KCNJ3: variants seen among roughly 807,000 people sequenced by gnomAD.
The protein encoded by KCNJ3 is G protein-activated inward rectifier potassium channel 1.
A neutral mutation model predicts 39.2 loss-of-function variants in KCNJ3; 4 were observed. The observed-to-expected ratio is 0.10, with a 90% confidence interval of 0.05 to 0.23. KCNJ3 has a LOEUF of 0.23. Among genes scored for constraint, KCNJ3 ranks in the 10% least tolerant of loss-of-function variants. The pLI is 1.00. For missense variants in KCNJ3, 276 were observed against 634.9 expected, an observed-to-expected ratio of 0.43 and a Z score of 6.08; for synonymous variants, 230 against 237.4, an observed-to-expected ratio of 0.97 and a Z score of 0.29.
chr2:154,710,106 G>A (rs1419297873), intron 2 of KCNJ3, among the ~76,000 whole-genome samples: 2 of 152,024 alleles, frequency 1.3e-5, no homozygotes, highest in African/African-American at 4.8e-5. Flanking sequence ...TTACAAACTT[G>A]ACTTTCTTAT....
chr2:154,767,846 C>G (rs1341004732), intron 2 of KCNJ3, among the ~76,000 whole-genome samples: 1 of 152,198 alleles, frequency 6.6e-6, no homozygotes, highest in Non-Finnish European at 1.5e-5. Context: ...TCTCTAACAC[C>G]TGTTGTTTCC....
At chr2:154,844,231 G>A (rs1393864600) in intron 2 of KCNJ3, among the ~76,000 whole-genome samples, 3 of 152,134 alleles carry the variant, frequency 2.0e-5, no homozygotes, top group Non-Finnish European at 4.4e-5. Context: ...GGAGATTGCT[G>A]GAGTTCCACT....
chr2:154,852,615 CTAGA>C (rs1687775820), intron 2 of KCNJ3, among the ~76,000 whole-genome samples: 1 of 151,990 alleles, frequency 6.6e-6, no homozygotes, highest in Admixed American at 6.6e-5. Flanking sequence ...ATTCTTTATT[CTAGA>C]TACTTTTCTT....
chr2:154,821,908 T>C (rs970675980), intron 2 of KCNJ3, among the ~76,000 whole-genome samples: 35 of 152,096 alleles, frequency 2.3e-4, no homozygotes, highest in African/African-American at 8.2e-4. Flanking sequence ...CCCAAAATGC[T>C]GGGATTACAG....
intron 2 of KCNJ3, among the ~76,000 whole-genome samples, chr2:154,811,349 C>A (rs191317893): frequency 3.9e-5 from 6 of 152,252 alleles, no homozygotes; most frequent in Non-Finnish European, 7.4e-5. Flanking sequence ...CAATGAAATA[C>A]CTCCTCAGGA....
chr2:154,830,902 A>C (rs1687349964), intron 2 of KCNJ3, among the ~76,000 whole-genome samples: 2 of 152,220 alleles, frequency 1.3e-5, no homozygotes, highest in Admixed American at 1.3e-4. Context: ...AAGAAGTACA[A>C]GTAAAATTTC....
intron 2 of KCNJ3, among the ~76,000 whole-genome samples, chr2:154,749,243 A>G (rs2105180349): frequency 6.6e-6 from 1 of 152,250 alleles, no homozygotes; most frequent in East Asian, 1.9e-4. Flanking sequence ...AAATGCATTT[A>G]GATGATACCA....
intron 2 of KCNJ3, among the ~76,000 whole-genome samples, chr2:154,773,817 T>C (rs1686285209): frequency 6.6e-6 from 1 of 152,172 alleles, no homozygotes; most frequent in Admixed American, 6.5e-5. Context: ...AAAAACATTG[T>C]GTAGTCATTA....
chr2:154,729,432 C>T (rs752983772), intron 2 of KCNJ3, among the ~76,000 whole-genome samples: 1 of 152,102 alleles, frequency 6.6e-6, no homozygotes, highest in South Asian at 2.1e-4. Flanking sequence ...TAATTAAGTT[C>T]CTTTGAACTA....
chr2:154,811,036 C>T (rs1574471004), intron 2 of KCNJ3, among the ~76,000 whole-genome samples: 1 of 152,154 alleles, frequency 6.6e-6, no homozygotes, highest in Admixed American at 6.5e-5. Flanking sequence ...AGGTTTGTTC[C>T]TGTGTGGGAT....
intron 2 of KCNJ3, among the ~76,000 whole-genome samples, chr2:154,770,410 A>G (rs1280632798): frequency 1.3e-5 from 2 of 151,372 alleles, no homozygotes; most frequent in African/African-American, 4.8e-5. Flanking sequence ...CATTTTTGGC[A>G]GCTTGAAGAA....
intron 2 of KCNJ3, among the ~76,000 whole-genome samples, chr2:154,741,891 A>G (rs915316371): frequency 1.3e-5 from 2 of 152,076 alleles, no homozygotes; most frequent in East Asian, 3.9e-4. Flanking sequence ...AAATAAACAT[A>G]AAATTTACAT....
intron 2 of KCNJ3, among the ~76,000 whole-genome samples, chr2:154,837,764 G>A (rs1687495281): frequency 6.6e-6 from 1 of 152,142 alleles, no homozygotes; most frequent in Non-Finnish European, 1.5e-5. Flanking sequence ...TTATAAATAG[G>A]AATTATATGT....
At chr2:154,807,804 G>A (rs796717947) in intron 2 of KCNJ3, among the ~76,000 whole-genome samples, 13 of 152,248 alleles carry the variant, frequency 8.5e-5, no homozygotes, top group African/African-American at 2.9e-4. Context: ...TCCTGTAGGA[G>A]AGATGCACTG....
chr2:154,712,912 C>T (rs1036569983), intron 2 of KCNJ3, among the ~76,000 whole-genome samples: 1 of 151,908 alleles, frequency 6.6e-6, no homozygotes, highest in African/African-American at 2.4e-5. Context: ...TCCAGAAGGC[C>T]CTTTTGGTCC....
At chr2:154,724,328 CATT>C (rs1553454930) in intron 2 of KCNJ3, among the ~76,000 whole-genome samples, 3 of 151,872 alleles carry the variant, frequency 2.0e-5, no homozygotes, top group Non-Finnish European at 1.5e-5. Flanking sequence ...AAAATATAAT[CATT>C]ATTATTATTA....
chr2:154,795,115 T>C (rs1686700290), intron 2 of KCNJ3, among the ~76,000 whole-genome samples: 1 of 152,074 alleles, frequency 6.6e-6, no homozygotes, highest in Admixed American at 6.6e-5. Flanking sequence ...AACATTTACA[T>C]GTATCTTGGA....
intron 1 of KCNJ3, among the ~76,000 whole-genome samples, chr2:154,701,904 A>G (rs1450112914): frequency 1.3e-5 from 2 of 152,000 alleles, no homozygotes; most frequent in African/African-American, 4.8e-5. Flanking sequence ...TCCTGTAGGC[A>G]TGGTAATTTA....
intron 2 of KCNJ3, among the ~76,000 whole-genome samples, chr2:154,785,179 G>C (rs1350731463): frequency 6.6e-6 from 1 of 152,176 alleles, no homozygotes; most frequent in Non-Finnish European, 1.5e-5. Flanking sequence ...ATAGCAAGAT[G>C]TGTGGTAAAG....
Sources: allele counts gnomAD v4.1 joint callset (sites outside exome capture counted in the v4.1 genomes callset), GRCh38; gene constraint gnomAD v4.1.1; transcripts MANE v1.5; gene names NCBI Gene and HGNC (gene_info 2026-07-23, HGNC 2026-07-21).